ALMS1: variants seen among roughly 807,000 people sequenced by gnomAD.
The protein encoded by ALMS1 is centrosome-associated protein ALMS1.
Under a neutral mutation model 352.2 loss-of-function variants are expected in ALMS1, and 271 were observed. The ratio of observed to expected loss-of-function variants is 0.77; its 90% confidence interval spans 0.70 to 0.85. The LOEUF (loss-of-function observed/expected upper bound fraction) is 0.85. ALMS1 is among the 40% of genes least tolerant of loss of function. ALMS1 has a pLI of 0.00. For missense variants in ALMS1, 5,445 were observed against 4,870.7 expected (o/e 1.12, Z -3.51); for synonymous variants, 1,865 against 1,761.2 (o/e 1.06, Z -1.48).
In ALMS1 at chr2:73,600,772, G is replaced by A; in HGVS notation, c.11763G>A (p.Glu3921=). ...GTTCCAGCGAGGCTAAATTGGAAGA[G>A]AACAGTGATGTGACTTCTTGGTCAG... ...TPSSSEAKLE[E]NSDVTSWSEE... Residue 3921 remains glutamate (E), a synonymous_variant, in exon 18 of 23, where the codon GAG becomes GAA. Transcript: ENST00000613296. The A allele has an allele frequency of 6.2e-7, 1 of 1,614,214 alleles. No homozygotes were observed. The highest frequency in any genetic ancestry group is 8.5e-7 in the Non-Finnish European group (1 of 1,180,028).
rs1328427718 is a variant in ALMS1, at chr2:73,386,182, C to A, written c.314C>A (p.Ser105Tyr). Residue 105 changes from serine (S) to tyrosine (Y), a missense_variant, in exon 1 of 23, where the codon TCC becomes TAC. Coordinates refer to ENST00000613296, the MANE Select transcript of ALMS1 (RefSeq NM_001378454.1). ...CGCTACTCGGAGGGCGAGCGGACCT[C>A]CCTGGAGAAGGTGAGGCGGGCCGGG... The part of the protein sequence containing the change: ...QHRYSEGERT[S>Y]LEKIVPLTCH... The A allele has an allele frequency of 6.5e-7, 1 of 1,542,314 alleles. No homozygotes were observed. Among genetic ancestry groups the A allele is most frequent in the Admixed American group, 2.0e-5 (1 of 50,646 alleles).
rs201471551 is a variant in ALMS1, at chr2:73,424,911, C to G, written c.1237+9C>G. The G allele has an allele frequency of 3.0e-5, 47 of 1,581,266 alleles. No homozygotes were observed. The African/African-American group carries it at 5.7e-4, about 19-fold the overall frequency. The stretch of plus-strand genomic sequence containing the variant: ...AGAAACATATTTAACCAGTAAGTAC[C>G]CTGATTCTTTTTCAGATTCATCTGA... On this transcript the variant is annotated intron_variant, in intron 5 of 22. Coordinates refer to ENST00000613296, the MANE Select transcript of ALMS1 (RefSeq NM_001378454.1).
intron 11 of ALMS1, among the ~76,000 whole-genome samples, chr2:73,522,769 G>A (rs1339997298): frequency 6.6e-6 from 1 of 151,980 alleles, no homozygotes; most frequent in Non-Finnish European, 1.5e-5. Flanking sequence ...GCCTGGCCAA[G>A]GTCATTTTTT....
intron 11 of ALMS1, among the ~76,000 whole-genome samples, chr2:73,526,232 T>C (rs1673788617): frequency 6.6e-6 from 1 of 152,220 alleles, no homozygotes; most frequent in South Asian, 2.1e-4. Context: ...GTTTCGTTCT[T>C]TATGCTTAAG....
intron 16 of ALMS1, among the ~76,000 whole-genome samples, chr2:73,574,780 G>C (rs1675018609): frequency 6.6e-6 from 1 of 152,064 alleles, no homozygotes; most frequent in Admixed American, 6.6e-5. Context: ...ATGACATAAA[G>C]TTTACAGTTT....
At position 73,490,644 on chromosome 2, in the gene ALMS1, T is replaced by G; in HGVS notation, c.8685T>G (p.Arg2895=). The change falls in exon 10 of 23, where the codon CGT becomes CGG. Residue 2895 remains arginine (R), a synonymous_variant. Coordinates refer to ENST00000613296, the MANE Select transcript of ALMS1 (RefSeq NM_001378454.1). ...RELFEQSKAP[R]ADDHVRKHHS... The stretch of plus-strand genomic sequence containing the variant: ...TCTTTGAACAAAGCAAAGCCCCACG[T>G]GCAGATGACCATGTGAGGAAACACC... 6.2e-7 allele frequency: 1 copy of G among 1,614,184 alleles called. No homozygotes were observed. Among genetic ancestry groups the G allele is most frequent in the Non-Finnish European group, 8.5e-7 (1 of 1,180,016 alleles).
chr2:73,542,463 A>G (rs1411997612), intron 12 of ALMS1, among the ~76,000 whole-genome samples: 2 of 152,208 alleles, frequency 1.3e-5, no homozygotes, highest in African/African-American at 2.4e-5. Flanking sequence ...CAAGACAGGG[A>G]TGCCCTCTCT....
At chr2:73,465,869 A>C (rs1303516466) in intron 9 of ALMS1, among the ~76,000 whole-genome samples, 5 of 152,224 alleles carry the variant, frequency 3.3e-5, no homozygotes, top group Admixed American at 3.3e-4. Context: ...ATGCAGGCAA[A>C]AAACACATGA....
chr2:73,495,976 A>C (rs1644632893), intron 10 of ALMS1, among the ~76,000 whole-genome samples: 1 of 152,224 alleles, frequency 6.6e-6, no homozygotes, highest in African/African-American at 2.4e-5. Flanking sequence ...TCATTAAAAT[A>C]TCTAGACAAA....
chr2:73,583,510 G>GT (rs1675234405), intron 16 of ALMS1, among the ~76,000 whole-genome samples: 1 of 152,076 alleles, frequency 6.6e-6, no homozygotes, highest in Admixed American at 6.6e-5. Flanking sequence ...GTGTGGTCCT[G>GT]TTTGTCTATT....
chr2:73,596,233 A>G (rs1675543424), intron 16 of ALMS1, among the ~76,000 whole-genome samples: 1 of 152,104 alleles, frequency 6.6e-6, no homozygotes, highest in Non-Finnish European at 1.5e-5. Flanking sequence ...TTAAAAGTTT[A>G]TTGTTTTAAT....
At chr2:73,467,326 T>G (rs1451174093) in intron 9 of ALMS1, among the ~76,000 whole-genome samples, 1 of 152,136 alleles carries the variant, frequency 6.6e-6, no homozygotes, top group Non-Finnish European at 1.5e-5. Flanking sequence ...GTCTCATAAA[T>G]GAAGATATCC....
chr2:73,545,744 T>G (rs1266890969), intron 12 of ALMS1, among the ~76,000 whole-genome samples: 1 of 152,224 alleles, frequency 6.6e-6, no homozygotes, highest in Non-Finnish European at 1.5e-5. Context: ...GTATTTAACT[T>G]AAGCAAGTTC....
chr2:73,413,258 G>A (rs535197286), intron 2 of ALMS1, among the ~76,000 whole-genome samples: 3 of 151,996 alleles, frequency 2.0e-5, no homozygotes, highest in South Asian at 4.1e-4. Flanking sequence ...GAGACAGTCT[G>A]TGGCATGTTT....
chr2:73,597,694 C>A (rs1024556576), intron 16 of ALMS1, among the ~76,000 whole-genome samples: 4 of 151,830 alleles, frequency 2.6e-5, no homozygotes, highest in African/African-American at 9.7e-5. Flanking sequence ...GAAACTGACA[C>A]AAAGAGGTTA....
chr2:73,588,299 T>C (rs1413777121), intron 16 of ALMS1, among the ~76,000 whole-genome samples: 1 of 152,172 alleles, frequency 6.6e-6, no homozygotes, highest in Non-Finnish European at 1.5e-5. Flanking sequence ...CTCTTCTCTC[T>C]CTATGATCTC....
chr2:73,461,067 G>A (rs933881003), intron 9 of ALMS1, among the ~76,000 whole-genome samples: 2 of 152,232 alleles, frequency 1.3e-5, no homozygotes, highest in African/African-American at 2.4e-5. Context: ...AAATGTCCCT[G>A]TCTGACAGCT....
chr2:73,608,598 T>A (rs776587131), intron 22 of ALMS1, 24 bp downstream of exon 22: 1 of 1,566,668 alleles, frequency 6.4e-7, no homozygotes, highest in Non-Finnish European at 8.8e-7. Context: ...CTGTCTAGAG[T>A]GGGATGGATC....
chr2:73,401,432 A>G (rs915829049), intron 1 of ALMS1, among the ~76,000 whole-genome samples: 3 of 152,128 alleles, frequency 2.0e-5, no homozygotes, highest in Non-Finnish European at 4.4e-5. Context: ...TCTTACTTTC[A>G]TTTAGTTGAA....
Sources: allele counts gnomAD v4.1 joint callset (sites outside exome capture counted in the v4.1 genomes callset), GRCh38; gene constraint gnomAD v4.1.1; transcripts MANE v1.5; gene names NCBI Gene and HGNC (gene_info 2026-07-23, HGNC 2026-07-21).